SGMS1: variants seen among roughly 807,000 people sequenced by gnomAD.
SGMS1 encodes the protein phosphatidylcholine:ceramide cholinephosphotransferase 1.
In SGMS1, 13 loss-of-function variants were observed where a neutral mutation model predicts 46.2. That is an observed-to-expected ratio of 0.28 (90% CI 0.18 to 0.45). SGMS1 has a LOEUF of 0.45. SGMS1 is among the 20% of genes least tolerant of loss of function. SGMS1 has a pLI of 1.00. For synonymous variants in SGMS1, 203 were observed against 187.8 expected, an observed-to-expected ratio of 1.08 and a Z score of -0.66; for missense variants, 324 against 519.9, an observed-to-expected ratio of 0.62 and a Z score of 3.66.
chr10:50,457,550 T>C (rs957012592), intron 5 of SGMS1, among the ~76,000 whole-genome samples: 24 of 152,270 alleles, frequency 1.6e-4, no homozygotes, highest in Admixed American at 1.6e-3. Flanking sequence ...ACCCAACAGT[T>C]AGTCTTCCAA....
intron 6 of SGMS1, among the ~76,000 whole-genome samples, chr10:50,369,780 A>G (rs931205806): frequency 1.3e-5 from 2 of 152,200 alleles, no homozygotes; most frequent in East Asian, 1.9e-4. Context: ...ATCTACAGTC[A>G]TGTGTCACTT....
At chr10:50,452,656 A>G (rs937223825) in intron 5 of SGMS1, among the ~76,000 whole-genome samples, 1 of 152,202 alleles carries the variant, frequency 6.6e-6, no homozygotes, top group Non-Finnish European at 1.5e-5. Flanking sequence ...AATTTCCATT[A>G]TAATGATTGT....
At chr10:50,610,356 G>C (rs568202597) in intron 1 of SGMS1, among the ~76,000 whole-genome samples, 2 of 152,208 alleles carry the variant, frequency 1.3e-5, no homozygotes, top group Admixed American at 1.3e-4. Context: ...ATACCTTCCT[G>C]GTGAATTTAA....
intron 5 of SGMS1, among the ~76,000 whole-genome samples, chr10:50,458,528 T>G (rs926829923): frequency 2.0e-5 from 3 of 151,602 alleles, no homozygotes; most frequent in Non-Finnish European, 4.4e-5. Flanking sequence ...GCTAATTTTT[T>G]TTTTGTATTT....
chr10:50,571,654 CAT>C lies in SGMS1; in HGVS notation c.-589+18497_-589+18498del, dbSNP rs1838337725. 2.0e-5 allele frequency among the ~76,000 whole-genome samples: 3 copies of C among 152,162 alleles called. No individual in the cohort carries two copies. In the South Asian group the frequency reaches 6.2e-4, roughly 32 times the overall value. ...GTCAGGCATGTACTAAAGCACTAGACATATCTAATGTGCATATATATACACAT... is the reference window on the plus strand; with the variant it reads ...GTCAGGCATGTACTAAAGCACTAGACATCTAATGTGCATATATATACACAT... On this transcript the variant is annotated intron_variant, in intron 2 of 10. Transcript: ENST00000361781.
chr10:50,563,918 G>T (rs1838265364), intron 2 of SGMS1, among the ~76,000 whole-genome samples: 1 of 152,168 alleles, frequency 6.6e-6, no homozygotes, highest in African/African-American at 2.4e-5. Context: ...GCCAGGAGCA[G>T]CCTGGATGAT....
chr10:50,341,573 A>G (rs1275844905), intron 7 of SGMS1: 2 of 378,112 alleles, frequency 5.3e-6, no homozygotes, highest in South Asian at 2.0e-5. Context: ...GTATATATAT[A>G]TGACAACAGA....
chr10:50,591,965 G>C (rs1838545747), intron 1 of SGMS1, among the ~76,000 whole-genome samples: 1 of 152,194 alleles, frequency 6.6e-6, no homozygotes, highest in Non-Finnish European at 1.5e-5. Flanking sequence ...AGCCAGTCTG[G>C]AACCCCGTGC....
chr10:50,308,357 T>C (rs887656279), intron 9 of SGMS1, among the ~76,000 whole-genome samples: 2 of 152,188 alleles, frequency 1.3e-5, no homozygotes, highest in Non-Finnish European at 2.9e-5. Context: ...TGATAGTAAT[T>C]CATATTTGGT....
At chr10:50,522,379 G>C (rs1837864197) in intron 2 of SGMS1, among the ~76,000 whole-genome samples, 1 of 151,960 alleles carries the variant, frequency 6.6e-6, no homozygotes, top group Admixed American at 6.6e-5. Flanking sequence ...CTCTAACCTG[G>C]ATCCTGTCAA....
At chr10:50,359,540 T>C (rs1056811814) in intron 6 of SGMS1, among the ~76,000 whole-genome samples, 1 of 152,212 alleles carries the variant, frequency 6.6e-6, no homozygotes, top group African/African-American at 2.4e-5. Flanking sequence ...AATACTGTTT[T>C]ATACATTTCA....
intron 7 of SGMS1, among the ~76,000 whole-genome samples, chr10:50,342,013 T>A (rs1472673371): frequency 6.6e-6 from 1 of 152,184 alleles, no homozygotes; most frequent in East Asian, 1.9e-4. Context: ...TGCCTGAATT[T>A]AAAAATTTTG....
chr10:50,611,934 A>C (rs1211736579), intron 1 of SGMS1, among the ~76,000 whole-genome samples: 1 of 152,130 alleles, frequency 6.6e-6, no homozygotes, highest in Non-Finnish European at 1.5e-5. Flanking sequence ...AGGGGGAAAG[A>C]AGCTGTGGGC....
intron 2 of SGMS1, among the ~76,000 whole-genome samples, chr10:50,576,405 A>G (rs1838385720): frequency 6.6e-6 from 1 of 152,058 alleles, no homozygotes; most frequent in African/African-American, 2.4e-5. Context: ...CCTTGTCCCC[A>G]CTTTCCTCCC....
chr10:50,524,298 C>T (rs1430122972), intron 2 of SGMS1, among the ~76,000 whole-genome samples: 3 of 152,172 alleles, frequency 2.0e-5, no homozygotes, highest in African/African-American at 4.8e-5. Flanking sequence ...TTCTGTGCAA[C>T]CCATTTCCCA....
chr10:50,442,765 A>C (rs925906358), intron 5 of SGMS1, among the ~76,000 whole-genome samples: 2 of 152,098 alleles, frequency 1.3e-5, no homozygotes, highest in Non-Finnish European at 2.9e-5. Context: ...TGGATATTAG[A>C]CCTTTGTCAA....
At chr10:50,562,329 ACTCT>A (rs750334616) in intron 2 of SGMS1, among the ~76,000 whole-genome samples, 1 of 139,126 alleles carries the variant, frequency 7.2e-6, no homozygotes, top group Non-Finnish European at 1.6e-5. Flanking sequence ...TCTGACAAAC[ACTCT>A]CTGAGTGTGT....
chr10:50,376,526 G>C (rs1280140291), intron 6 of SGMS1, among the ~76,000 whole-genome samples: 8 of 152,140 alleles, frequency 5.3e-5, no homozygotes, highest in African/African-American at 1.7e-4. Context: ...TTGGTGTGCT[G>C]CACCCATTAA....
chr10:50,611,723 A>G (rs949951552), intron 1 of SGMS1, among the ~76,000 whole-genome samples: 2 of 152,038 alleles, frequency 1.3e-5, no homozygotes, highest in African/African-American at 4.8e-5. Flanking sequence ...CAGCATCCCA[A>G]GCATCTCTGC....
Sources: allele counts gnomAD v4.1 joint callset (sites outside exome capture counted in the v4.1 genomes callset), GRCh38; gene constraint gnomAD v4.1.1; transcripts MANE v1.5; gene names NCBI Gene and HGNC (gene_info 2026-07-23, HGNC 2026-07-21).